The following CLASP1 variants were observed in gnomAD, a reference collection of about 807,000 sequenced individuals.
The protein encoded by CLASP1 is CLIP-associating protein 1.
CLASP1 carries 38 observed loss-of-function variants against 192.3 expected under a neutral mutation model. That is an observed-to-expected ratio of 0.20 (90% CI 0.15 to 0.26). CLASP1 has a LOEUF of 0.26. Ranked by LOEUF, CLASP1 falls within the 10% of genes least tolerant of loss-of-function variation. CLASP1 has a pLI of 1.00. For missense variants in CLASP1, 1,433 were observed against 1,932.5 expected (o/e 0.74, Z 4.85); for synonymous variants, 691 against 712.8 (o/e 0.97, Z 0.49).
In CLASP1 at chr2:121,609,315, G is replaced by A. The variant is rs568174923; in HGVS notation, c.-285-3135C>T. 3.9e-5 allele frequency among the ~76,000 whole-genome samples: 6 copies of A among 152,252 alleles called. No homozygotes were observed. In the South Asian group the frequency reaches 1.2e-3, roughly 32 times the overall value. ...TCTAACAAATAAGCATATGCTTCTTGAACGTAATTATGCAACAAAGGCTTA... is the reference window on the plus strand; with the variant it reads ...TCTAACAAATAAGCATATGCTTCTTAAACGTAATTATGCAACAAAGGCTTA... On this transcript the variant is annotated intron_variant, in intron 1 of 39. Coordinates refer to ENST00000263710, the Ensembl canonical transcript of CLASP1.
intron 37 of CLASP1, among the ~76,000 whole-genome samples, chr2:121,361,749 C>G (rs1395306464): frequency 6.6e-6 from 1 of 152,190 alleles, no homozygotes; most frequent in Non-Finnish European, 1.5e-5. Context: ...GTTGATCGTA[C>G]TAGCTCATCT....
intron 23 of CLASP1, among the ~76,000 whole-genome samples, chr2:121,411,672 T>C (rs1341745492): frequency 6.6e-6 from 1 of 152,128 alleles, no homozygotes; most frequent in Non-Finnish European, 1.5e-5. Flanking sequence ...ATAGAAAGAA[T>C]CCAAAGAATT....
chr2:121,372,141 G>A (rs1037626283), intron 34 of CLASP1, among the ~76,000 whole-genome samples: 2 of 152,168 alleles, frequency 1.3e-5, no homozygotes, highest in Admixed American at 6.5e-5. Flanking sequence ...ATATCTTTTA[G>A]GTTAAAATAG....
At chr2:121,506,050 C>T (rs1044638589) in intron 7 of CLASP1, among the ~76,000 whole-genome samples, 15 of 152,124 alleles carry the variant, frequency 9.9e-5, no homozygotes, top group Non-Finnish European at 5.9e-5. Context: ...TTAAAAATGT[C>T]ATTAGTGCTT....
intron 19 of CLASP1, among the ~76,000 whole-genome samples, chr2:121,433,306 C>A (rs879741890): frequency 1.1e-4 from 15 of 136,536 alleles, no homozygotes; most frequent in Non-Finnish European, 1.7e-4. Context: ...GGCAAAAGAG[C>A]AAAACCCTGT....
At chr2:121,504,199 TC>T in intron 7 of CLASP1, among the ~76,000 whole-genome samples, 1 of 148,772 alleles carries the variant, frequency 6.7e-6, no homozygotes, top group East Asian at 2.0e-4. Context: ...GCCACTGCAC[TC>T]CAGCCTGGGC....
intron 8 of CLASP1, among the ~76,000 whole-genome samples, chr2:121,497,884 C>T (rs2093597667): frequency 6.6e-6 from 1 of 152,112 alleles, no homozygotes; most frequent in African/African-American, 2.4e-5. Context: ...CACGCCCGGG[C>T]CCAGCTAATT....
At chr2:121,608,763 T>C (rs937772973) in intron 1 of CLASP1, among the ~76,000 whole-genome samples, 1 of 152,230 alleles carries the variant, frequency 6.6e-6, no homozygotes, top group African/African-American at 2.4e-5. Flanking sequence ...ATAACTGATA[T>C]ACTCCTTCTT....
chr2:121,549,220 C>G (rs543965651), intron 2 of CLASP1, among the ~76,000 whole-genome samples: 22 of 152,288 alleles, frequency 1.4e-4, no homozygotes, highest in African/African-American at 5.1e-4. Context: ...CACCCATAGG[C>G]TCAAACTAAA....
At chr2:121,348,967 G>A (rs767812421) in intron 37 of CLASP1, among the ~76,000 whole-genome samples, 7 of 152,254 alleles carry the variant, frequency 4.6e-5, no homozygotes, top group South Asian at 2.1e-4. Flanking sequence ...TCGGCCGGGC[G>A]CGGTGGCTCA....
intron 23 of CLASP1, among the ~76,000 whole-genome samples, chr2:121,413,338 A>G (rs2078039920): frequency 6.6e-6 from 1 of 152,150 alleles, no homozygotes; most frequent in Non-Finnish European, 1.5e-5. Context: ...AAAATACCAG[A>G]CTCGGTGAAT....
chr2:121,628,583 C>A (rs2068831817), intron 1 of CLASP1, among the ~76,000 whole-genome samples: 1 of 149,452 alleles, frequency 6.7e-6, no homozygotes, highest in Non-Finnish European at 1.5e-5. Context: ...TGCTGAGGCA[C>A]AAGAATCGCT....
At chr2:121,638,311 A>C (rs1044819169) in intron 1 of CLASP1, among the ~76,000 whole-genome samples, 10 of 152,158 alleles carry the variant, frequency 6.6e-5, no homozygotes, top group Non-Finnish European at 1.2e-4. Flanking sequence ...TTAAAAAAAA[A>C]CACAGAAAAT....
chr2:121,504,380 A>G (rs528314834), intron 7 of CLASP1, among the ~76,000 whole-genome samples: 1 of 152,296 alleles, frequency 6.6e-6, no homozygotes, highest in East Asian at 1.9e-4. Flanking sequence ...AGCTCTCATC[A>G]TTTCAAATAT....
intron 25 of CLASP1, among the ~76,000 whole-genome samples, chr2:121,405,744 G>A (rs1317948694): frequency 1.3e-5 from 2 of 152,208 alleles, no homozygotes; most frequent in Non-Finnish European, 2.9e-5. Flanking sequence ...AGATTCTTGA[G>A]GAACAATCGT....
rs576005170 is a variant in CLASP1 at position 121,368,383 on chromosome 2, T to C, written c.3643-552A>G. On this transcript the variant is annotated intron_variant, in intron 34 of 39. Coordinates refer to ENST00000263710, the Ensembl canonical transcript of CLASP1. The stretch of plus-strand genomic sequence containing the variant: ...CACCTCCTAGGCATATCATTCTTCT[T>C]TTAGATATTTCTGACTCAGAGTTGT... Among the ~76,000 whole-genome samples, 142 of 152,300 alleles carry C rather than the reference T, an allele frequency of 9.3e-4. 1 individual carries two copies. The highest frequency in any genetic ancestry group is 4.4e-4 in the Non-Finnish European group (30 of 68,026).
intron 19 of CLASP1, among the ~76,000 whole-genome samples, chr2:121,439,278 C>G (rs2082844405): frequency 6.6e-6 from 1 of 152,168 alleles, no homozygotes; most frequent in Non-Finnish European, 1.5e-5. Flanking sequence ...AAAAAACCAG[C>G]TCCTGGATTC....
At chr2:121,457,697 C>A in exon 14 of CLASP1, 1 of 1,610,920 alleles carries the variant, frequency 6.2e-7, no homozygotes, top group Non-Finnish European at 8.5e-7. Context: ...CTTCTAACTG[C>A]GACAGACTTA....
At chr2:121,574,634 C>CAAAAAAA (rs1173756631) in intron 2 of CLASP1, among the ~76,000 whole-genome samples, 8 of 79,006 alleles carry the variant, frequency 1.0e-4, no homozygotes, top group Middle Eastern at 0.012. Context: ...GACTCCATAT[C>CAAAAAAA]AAAAAAAAAA....
Sources: gnomAD v4.1 joint callset for allele counts (sites outside exome capture counted in the v4.1 genomes callset) on GRCh38, gnomAD v4.1.1 for gene constraint, MANE v1.5 for transcripts, NCBI Gene and HGNC (gene_info 2026-07-23, HGNC 2026-07-21) for gene names.